TOX: variants seen among roughly 807,000 people sequenced by gnomAD.
TOX encodes thymocyte selection-associated high mobility group box protein TOX.
TOX carries 11 observed loss-of-function variants against 53.7 expected under a neutral mutation model. The observed-to-expected ratio is 0.20, with a 90% confidence interval of 0.13 to 0.34. The LOEUF (loss-of-function observed/expected upper bound fraction) is 0.34, where lower values mean the gene tolerates loss of function less well. TOX is among the 10% of genes least tolerant of loss of function. The probability of loss-of-function intolerance (pLI) is 1.00; values close to 1 mark genes in which losing one functional copy is unlikely to be tolerated. For missense variants in TOX, 570 were observed against 664.6 expected, an observed-to-expected ratio of 0.86 and a Z score of 1.56; for synonymous variants, 225 against 245.3, an observed-to-expected ratio of 0.92 and a Z score of 0.77.
At chr8:58,953,585 C>T (rs775366882) in intron 2 of TOX, among the ~76,000 whole-genome samples, 3 of 152,078 alleles carry the variant, frequency 2.0e-5, no homozygotes, top group South Asian at 2.1e-4. Context: ...TGAATACCTC[C>T]GGGACTGCAC....
intron 3 of TOX, among the ~76,000 whole-genome samples, chr8:58,898,129 T>G (rs1451705963): frequency 6.6e-6 from 1 of 152,200 alleles, no homozygotes; most frequent in Non-Finnish European, 1.5e-5. Flanking sequence ...CTCATAATTC[T>G]ATGCAAATAT....
chr8:59,110,335 A>C (rs567850658), intron 1 of TOX, among the ~76,000 whole-genome samples: 1 of 152,262 alleles, frequency 6.6e-6, no homozygotes, highest in African/African-American at 2.4e-5. Flanking sequence ...TACAATTGTT[A>C]CTGGCATTTT....
chr8:58,948,242 G>A (rs1812557450), intron 2 of TOX, among the ~76,000 whole-genome samples: 1 of 152,130 alleles, frequency 6.6e-6, no homozygotes, highest in Admixed American at 6.5e-5. Flanking sequence ...CAGATCAAAT[G>A]AGGGTGGGGC....
At chr8:58,960,413 C>T (rs4738741) in intron 1 of TOX, among the ~76,000 whole-genome samples, 70,197 of 151,992 alleles carry the variant, frequency 0.46, 18,023 homozygotes, top group East Asian at 0.59. Flanking sequence ...CACGAAGGCA[C>T]AGCTCGGTGC....
intron 3 of TOX, among the ~76,000 whole-genome samples, chr8:58,908,305 A>G (rs1811853216): frequency 6.6e-6 from 1 of 152,206 alleles, no homozygotes. Context: ...AGCCCACACA[A>G]TCTAAACAAG....
chr8:58,810,098 G>A (rs1810052676), intron 7 of TOX, among the ~76,000 whole-genome samples: 1 of 151,876 alleles, frequency 6.6e-6, no homozygotes, highest in Non-Finnish European at 1.5e-5. Context: ...CAACCCTTAT[G>A]CCTTGGCCTT....
intron 1 of TOX, among the ~76,000 whole-genome samples, chr8:59,109,248 T>TGGCTA (rs1804969351): frequency 6.6e-6 from 1 of 152,116 alleles, no homozygotes; most frequent in African/African-American, 2.4e-5. Flanking sequence ...AGCTCACGGC[T>TGGCTA]ATAACAACCC....
intron 2 of TOX, among the ~76,000 whole-genome samples, chr8:58,949,872 A>G (rs72651324): frequency 0.2 from 22,614 of 114,262 alleles, 1,852 homozygotes; most frequent in East Asian, 0.26. Flanking sequence ...ATATACACAT[A>G]TAATATACAA....
intron 1 of TOX, among the ~76,000 whole-genome samples, chr8:59,090,994 T>C: frequency 6.6e-6 from 1 of 152,136 alleles, no homozygotes; most frequent in Middle Eastern, 3.2e-3. Flanking sequence ...CAGCAGGTTT[T>C]CCCATGTGCT....
chr8:58,960,780 TA>T (rs1812785215), intron 1 of TOX, among the ~76,000 whole-genome samples: 1 of 152,224 alleles, frequency 6.6e-6, no homozygotes, highest in Non-Finnish European at 1.5e-5. Context: ...AACAACAAAA[TA>T]CTTTTCAGTA....
chr8:59,005,551 T>C (rs115036542), intron 1 of TOX, among the ~76,000 whole-genome samples: 2 of 152,192 alleles, frequency 1.3e-5, no homozygotes. Context: ...AGTAGCACAT[T>C]AACAATTTTA....
intron 2 of TOX, among the ~76,000 whole-genome samples, chr8:58,944,199 G>T (rs1812489260): frequency 6.6e-6 from 1 of 152,182 alleles, no homozygotes; most frequent in African/African-American, 2.4e-5. Context: ...GCATCACTCT[G>T]CGGATGGGAA....
chr8:59,059,075 G>T (rs1273816276), intron 1 of TOX, among the ~76,000 whole-genome samples: 2 of 152,152 alleles, frequency 1.3e-5, no homozygotes, highest in East Asian at 3.9e-4. Context: ...TTTGAATTGA[G>T]GTATACCGGC....
At chr8:59,003,436 G>A (rs1813730877) in intron 1 of TOX, among the ~76,000 whole-genome samples, 1 of 152,104 alleles carries the variant, frequency 6.6e-6, no homozygotes, top group Non-Finnish European at 1.5e-5. Context: ...ATTAGCGATG[G>A]GATTTTAACG....
intron 3 of TOX, among the ~76,000 whole-genome samples, chr8:58,937,788 G>T (rs906354942): frequency 6.6e-6 from 1 of 152,018 alleles, no homozygotes; most frequent in Non-Finnish European, 1.5e-5. Flanking sequence ...CATACTGAAC[G>T]CCCCCTTCTT....
Position 59,118,859 on chromosome 8 carries a change from C to A in TOX, c.102+27G>T. 2 of 1,536,330 alleles carry A rather than the reference C, an allele frequency of 1.3e-6. No homozygotes were observed. Among genetic ancestry groups the A allele is most frequent in the East Asian group, 2.6e-5 (1 of 38,478 alleles). ...CTCCCAGGATCAAGCAGCAAGAACA[C>A]GGTGGAAACAAAAGCAGAGCGTTCA... On this transcript the variant is annotated intron_variant, in intron 1 of 8. Coordinates refer to ENST00000361421, the MANE Select transcript of TOX (RefSeq NM_014729.3). This position sits in a 1 kb window ranked among gnomAD's most constrained non-coding sequence, Gnocchi z 4.1.
rs369214910 is a variant in TOX at position 59,060,265 on chromosome 8, T to C, written c.102+58621A>G. Reference sequence around the variant, plus strand: ...ATTACTCAAATCTACCTCAACAGACTTACTTATCGCAACTCTTCCTTTCTT... The same window carrying C: ...ATTACTCAAATCTACCTCAACAGACCTACTTATCGCAACTCTTCCTTTCTT... On this transcript the variant is annotated intron_variant, in intron 1 of 8. Transcript: ENST00000361421. Among the ~76,000 whole-genome samples, 59 of 152,320 alleles carry C rather than the reference T, an allele frequency of 3.9e-4. No homozygotes were observed. The South Asian group carries it at 0.01, about 26-fold the overall frequency.
intron 1 of TOX, among the ~76,000 whole-genome samples, chr8:59,101,843 C>T (rs1380057273): frequency 2.0e-5 from 3 of 152,154 alleles, no homozygotes; most frequent in African/African-American, 2.4e-5. Flanking sequence ...TGTAGTTTGA[C>T]ATTTGTTGAG....
At chr8:59,046,228 C>T (rs1240789298) in intron 1 of TOX, among the ~76,000 whole-genome samples, 1 of 152,158 alleles carries the variant, frequency 6.6e-6, no homozygotes, top group Admixed American at 6.5e-5. Flanking sequence ...TACCATGTGC[C>T]AGGCCATTTT....
Sources: gnomAD v4.1 joint callset for allele counts (sites outside exome capture counted in the v4.1 genomes callset) on GRCh38, gnomAD v4.1.1 for gene constraint, Gnocchi (gnomAD v3.1) non-coding constraint, MANE v1.5 for transcripts, NCBI Gene and HGNC (gene_info 2026-07-23, HGNC 2026-07-21) for gene names.